GMDS: variants seen among roughly 807,000 people sequenced by gnomAD.
GMDS encodes GDP-mannose 4,6 dehydratase.
A neutral mutation model predicts 49.9 loss-of-function variants in GMDS; 20 were observed. The ratio of observed to expected loss-of-function variants is 0.40; its 90% CI spans 0.28 to 0.58. The LOEUF is 0.58. Ranked by LOEUF, GMDS falls within the 20% of genes least tolerant of loss-of-function variation. GMDS has a pLI of 0.42. For synonymous variants in GMDS, 177 were observed against 178.6 expected (o/e 0.99, Z 0.07); for missense variants, 362 against 481.4 (o/e 0.75, Z 2.32).
At chr6:1,685,423 TC>T (rs1423077792) in intron 9 of GMDS, among the ~76,000 whole-genome samples, 1 of 152,082 alleles carries the variant, frequency 6.6e-6, no homozygotes, top group Non-Finnish European at 1.5e-5. Context: ...CTGCTATTGC[TC>T]TTCTGTTTTC....
intron 4 of GMDS, among the ~76,000 whole-genome samples, chr6:2,055,265 A>G (rs992769823): frequency 6.6e-6 from 1 of 151,060 alleles, no homozygotes; most frequent in Non-Finnish European, 1.5e-5. Flanking sequence ...AAAAAAAAAG[A>G]GAGAGAGAGA....
intron 1 of GMDS, among the ~76,000 whole-genome samples, chr6:2,197,139 C>A (rs1156564645): frequency 6.6e-6 from 1 of 152,200 alleles, no homozygotes; most frequent in East Asian, 1.9e-4. Flanking sequence ...ATGTCATTAG[C>A]AAACTGACAC....
intron 1 of GMDS, among the ~76,000 whole-genome samples, chr6:2,221,090 C>T (rs1780565049): frequency 1.3e-5 from 2 of 152,114 alleles, no homozygotes; most frequent in Admixed American, 1.3e-4. Flanking sequence ...CCTCAGGAGA[C>T]TGAGGTGGGA....
intron 7 of GMDS, among the ~76,000 whole-genome samples, chr6:1,894,728 C>A (rs1041253789): frequency 1.3e-5 from 2 of 152,140 alleles, no homozygotes; most frequent in Non-Finnish European, 2.9e-5. Flanking sequence ...GTAATACAAT[C>A]ATTTTTTTAA....
intron 9 of GMDS, among the ~76,000 whole-genome samples, chr6:1,647,387 G>C (rs1004841738): frequency 6.6e-6 from 1 of 152,110 alleles, no homozygotes; most frequent in African/African-American, 2.4e-5. Flanking sequence ...AATTTAAGCA[G>C]CTTCTCCCCA....
At chr6:1,852,207 C>A (rs191108493) in intron 7 of GMDS, among the ~76,000 whole-genome samples, 6 of 152,180 alleles carry the variant, frequency 3.9e-5, no homozygotes, top group African/African-American at 1.4e-4. Context: ...GAAAACTCAG[C>A]GGGGCATTAC....
At chr6:1,918,900 G>A (rs1761560244) in intron 7 of GMDS, among the ~76,000 whole-genome samples, 1 of 152,160 alleles carries the variant, frequency 6.6e-6, no homozygotes, top group Non-Finnish European at 1.5e-5. Flanking sequence ...AGAAAGAAAG[G>A]TGCTTGCAAA....
At chr6:1,999,063 C>T (rs374715260) in intron 4 of GMDS, among the ~76,000 whole-genome samples, 2 of 152,122 alleles carry the variant, frequency 1.3e-5, no homozygotes, top group South Asian at 4.2e-4. Flanking sequence ...GTGGCTCACG[C>T]CTGTAATCCC....
intron 4 of GMDS, among the ~76,000 whole-genome samples, chr6:2,025,263 A>G (rs1220446678): frequency 6.6e-6 from 1 of 152,010 alleles, no homozygotes; most frequent in Non-Finnish European, 1.5e-5. Context: ...ATTTGTATTC[A>G]CATGTTGTTA....
At chr6:1,925,453 T>C (rs1246698868) in intron 7 of GMDS, among the ~76,000 whole-genome samples, 1 of 152,218 alleles carries the variant, frequency 6.6e-6, no homozygotes, top group Non-Finnish European at 1.5e-5. Flanking sequence ...TATGTATGTA[T>C]AGCACACTGA....
At chr6:2,043,886 C>T (rs1420296654) in intron 4 of GMDS, among the ~76,000 whole-genome samples, 1 of 151,970 alleles carries the variant, frequency 6.6e-6, no homozygotes, top group African/African-American at 2.4e-5. Context: ...AACAACAACC[C>T]CATTAAAAGT....
intron 4 of GMDS, among the ~76,000 whole-genome samples, chr6:1,998,301 CA>C (rs1474787357): frequency 6.6e-6 from 1 of 151,960 alleles, no homozygotes; most frequent in Non-Finnish European, 1.5e-5. Context: ...AGAATATTGA[CA>C]GATCATCTAC....
At chr6:1,717,028 A>T (rs1426153407) in intron 9 of GMDS, among the ~76,000 whole-genome samples, 1 of 152,204 alleles carries the variant, frequency 6.6e-6, no homozygotes, top group Non-Finnish European at 1.5e-5. Context: ...TATCCATTCC[A>T]TGGAAAACAC....
chr6:1,868,607 T>A (rs1056161453), intron 7 of GMDS, among the ~76,000 whole-genome samples: 3 of 152,308 alleles, frequency 2.0e-5, no homozygotes. Flanking sequence ...TCTTTAAGAA[T>A]TTTACAGATG....
intron 7 of GMDS, among the ~76,000 whole-genome samples, chr6:1,853,805 C>T (rs926639427): frequency 6.6e-6 from 1 of 152,160 alleles, no homozygotes; most frequent in African/African-American, 2.4e-5. Context: ...TATATCAATT[C>T]TATGTGGATC....
At chr6:1,776,834 G>A (rs1768856534) in intron 7 of GMDS, among the ~76,000 whole-genome samples, 1 of 152,126 alleles carries the variant, frequency 6.6e-6, no homozygotes, top group Non-Finnish European at 1.5e-5. Flanking sequence ...TGCCTGCCCT[G>A]AAAGACCATT....
intron 4 of GMDS, among the ~76,000 whole-genome samples, chr6:2,069,286 A>T (rs1176777797): frequency 1.3e-5 from 2 of 152,234 alleles, no homozygotes; most frequent in East Asian, 3.8e-4. Context: ...TTAAAGACTT[A>T]AACGTTAGAT....
At position 1,959,850 on chromosome 6, in the gene GMDS, T is replaced by C. The variant is rs758469712; in HGVS notation, c.643+17A>G. 4.5e-5 allele frequency: 63 copies of C among 1,404,290 alleles called. 1 individual carries two copies. The South Asian group carries it at 7.7e-4, about 17-fold the overall frequency. The allele number at this position is 1,404,290 out of a possible 1,614,324, so 87.0% of individuals were successfully genotyped here. On this transcript the variant is annotated intron_variant, in intron 6 of 10. Transcript: ENST00000380815. ...TTCAAGTCTGAAATTCTCTTTTCAG[T>C]TAATATATTTACTGACCTCTTCTGG... is the stretch of plus-strand genomic sequence containing the variant.
At chr6:1,740,567 A>G (rs980401304) in intron 8 of GMDS, among the ~76,000 whole-genome samples, 2 of 152,094 alleles carry the variant, frequency 1.3e-5, no homozygotes, top group Non-Finnish European at 2.9e-5. Flanking sequence ...AAAAAAAAAA[A>G]AAAAGGAGGG....
Sources: allele counts gnomAD v4.1 joint callset (sites outside exome capture counted in the v4.1 genomes callset), GRCh38; gene constraint gnomAD v4.1.1; transcripts MANE v1.5; gene names NCBI Gene and HGNC (gene_info 2026-07-23, HGNC 2026-07-21).